SRPK1: variants seen among roughly 807,000 people sequenced by gnomAD.
The protein encoded by SRPK1 is SRSF protein kinase 1.
SRPK1 carries 52 observed loss-of-function variants against 89.5 expected under a neutral mutation model. The ratio of observed to expected loss-of-function variants is 0.58; its 90% CI spans 0.46 to 0.73. SRPK1 has a LOEUF of 0.73. Among genes scored for constraint, SRPK1 ranks in the 30% least tolerant of loss-of-function variants. The pLI is 0.00. For synonymous variants in SRPK1, 255 were observed against 270.2 expected (o/e 0.94, Z 0.55); for missense variants, 603 against 780.6 (o/e 0.77, Z 2.71).
rs374942695 is a variant in SRPK1 at position 35,890,907 on chromosome 6, C to T, written c.181G>A (p.Asp61Asn). Residue 61 changes from aspartate (D) to asparagine (N), a missense_variant, in exon 3 of 16, where the codon GAT becomes AAT. Asp to Asn is a conservative substitution (Grantham distance 23, BLOSUM62 1). Transcript: ENST00000373825. ...SDDDEQEDPNDYCKGGYHLVK... is the reference protein window; with the variant it reads ...SDDDEQEDPNNYCKGGYHLVK... The stretch of plus-strand genomic sequence containing the variant: ...TTTATGAACTTACCTTTACAATAAT[C>T]ATTAGGATCTTCTTGCTCATCATCA... The T allele has an allele frequency of 1.8e-5, 28 of 1,551,080 alleles. No individual in the cohort carries two copies. The highest frequency in any genetic ancestry group is 2.4e-5 in the Non-Finnish European group (27 of 1,146,848).
chr6:35,870,642 A>G (rs932699923), intron 9 of SRPK1, 148 bp from the exon 10 acceptor site: 78 of 805,306 alleles, frequency 9.7e-5, no homozygotes, highest in Middle Eastern at 3.6e-4. Context: ...AAATTAAAAG[A>G]TGCGGGATAC....
rs1339813668 is a variant in SRPK1 at position 35,834,551 on chromosome 6, G to A, written c.*753C>T. The A allele has an allele frequency of 6.6e-6, 1 of 152,074 alleles. No homozygotes were observed. The highest frequency in any genetic ancestry group is 2.4e-5 in the African/African-American group (1 of 41,394). The allele number at this position is 152,074 out of a possible 1,614,324, so 9.4% of individuals were successfully genotyped here. On this transcript the variant is annotated 3_prime_UTR_variant, in exon 16 of 16. Coordinates refer to ENST00000373825, the MANE Select transcript of SRPK1 (RefSeq NM_003137.5). ...CCAACCAAAATAACTCTGGTCTTAG[G>A]GTAATAGAAGACATACAGGAAAGGA...
In SRPK1 at chr6:35,915,928, C is replaced by T. The variant is rs576054530; in HGVS notation, c.74+4540G>A. ...CGGAGGTTGCAGAGAGCCGAGATTG[C>T]ACCACTGAACTCCAGCCTGGGCGAC... is the stretch of plus-strand genomic sequence containing the variant. On this transcript the variant is annotated intron_variant, in intron 2 of 15. Transcript: ENST00000373825. Among the ~76,000 whole-genome samples the T allele has an allele frequency of 1.2e-4, 17 of 144,920 alleles. No homozygotes were observed. In the East Asian group the frequency reaches 3.4e-3, roughly 29 times the overall value.
chr6:35,910,267 G>A (rs1581600115), intron 2 of SRPK1, among the ~76,000 whole-genome samples: 1 of 152,168 alleles, frequency 6.6e-6, no homozygotes, highest in African/African-American at 2.4e-5. Flanking sequence ...ACAGGAGTGA[G>A]CCACCACGCC....
intron 2 of SRPK1, among the ~76,000 whole-genome samples, chr6:35,913,797 CA>C: frequency 1.1e-5 from 1 of 94,392 alleles, no homozygotes; most frequent in East Asian, 2.4e-4. Flanking sequence ...GATTCCATCT[CA>C]AAAAAAGAAA....
At chr6:35,919,503 G>C (rs371224050) in intron 2 of SRPK1, among the ~76,000 whole-genome samples, 35 of 152,288 alleles carry the variant, frequency 2.3e-4, no homozygotes, top group African/African-American at 6.7e-4. Context: ...AAACTATAAA[G>C]ATAATACATC....
chr6:35,881,978 C>T (rs1237533634), intron 6 of SRPK1, among the ~76,000 whole-genome samples: 1 of 150,718 alleles, frequency 6.6e-6, no homozygotes, highest in Non-Finnish European at 1.5e-5. Flanking sequence ...GTAATGACTG[C>T]ACAATTTTAT....
At chr6:35,870,596 A>C in intron 9 of SRPK1, 102 bp from the exon 10 acceptor site, 3 of 1,113,106 alleles carry the variant, frequency 2.7e-6, no homozygotes, top group Non-Finnish European at 3.8e-6. Context: ...TAAATTTCAC[A>C]AATCTTTCCC....
intron 8 of SRPK1, 54 bp downstream of exon 8, chr6:35,872,509 T>C (rs941630451): frequency 6.8e-6 from 10 of 1,473,546 alleles, no homozygotes; most frequent in East Asian, 5.0e-5. Context: ...AGAATAAAAA[T>C]AGAAATTTCT....
chr6:35,885,259 GAA>G (rs1491533623), intron 6 of SRPK1, among the ~76,000 whole-genome samples: 10 of 89,578 alleles, frequency 1.1e-4, no homozygotes, highest in African/African-American at 4.3e-4. Flanking sequence ...TTAATTCTTT[GAA>G]CACACACACA....
At chr6:35,857,491 G>T in intron 12 of SRPK1, 123 bp from the exon 13 acceptor site, 1 of 750,972 alleles carries the variant, frequency 1.3e-6, no homozygotes, top group Non-Finnish European at 2.2e-6. Flanking sequence ...TTCTCACTTT[G>T]CTTATTTCTT....
At chr6:35,887,080 G>A (rs11753227) in intron 5 of SRPK1, among the ~76,000 whole-genome samples, 5 of 152,146 alleles carry the variant, frequency 3.3e-5, no homozygotes, top group Non-Finnish European at 7.3e-5. Flanking sequence ...ATTAACTGAT[G>A]ATTACCAGGC....
In SRPK1 at chr6:35,906,870, G is replaced by A. The variant is rs1055305237; in HGVS notation, c.74+13598C>T. ...CTCTAATGGACTAAACCACAAATACGTTCAAATTTGTGAGTTATTATCAAA... is the reference window on the plus strand; with the variant it reads ...CTCTAATGGACTAAACCACAAATACATTCAAATTTGTGAGTTATTATCAAA... On this transcript the variant is annotated intron_variant, in intron 2 of 15. Coordinates refer to ENST00000373825, the MANE Select transcript of SRPK1 (RefSeq NM_003137.5). Among the ~76,000 whole-genome samples the A allele has an allele frequency of 2.6e-5, 4 of 152,108 alleles. No homozygotes were observed. In the East Asian group the frequency reaches 7.7e-4, roughly 29 times the overall value.
In SRPK1 at chr6:35,894,565, G is replaced by A. The variant is rs187482674; in HGVS notation, c.75-3552C>T. Among the ~76,000 whole-genome samples the A allele has an allele frequency of 2.3e-3, 354 of 152,150 alleles. 3 individuals carry two copies. Among genetic ancestry groups the A allele is most frequent in the Middle Eastern group, 0.017 (5 of 294 alleles). On this transcript the variant is annotated intron_variant, in intron 2 of 15. Transcript: ENST00000373825. ...TTCAAGAAATTTCTGGAGATTGAAC[G>A]GAAGCTCTACTTAATTTTTTATTAG...
chr6:35,916,327 T>A (rs1400851766), intron 2 of SRPK1, among the ~76,000 whole-genome samples: 1 of 152,098 alleles, frequency 6.6e-6, no homozygotes, highest in Non-Finnish European at 1.5e-5. Flanking sequence ...GACATGGAAC[T>A]ATTTCTAAGA....
intron 14 of SRPK1, among the ~76,000 whole-genome samples, chr6:35,839,329 AGAT>A (rs1769252330): frequency 6.6e-6 from 1 of 152,250 alleles, no homozygotes; most frequent in South Asian, 2.1e-4. Context: ...CCCATTTTAA[AGAT>A]GAGAAAATAG....
chr6:35,906,431 G>A (rs1272845284), intron 2 of SRPK1, among the ~76,000 whole-genome samples: 1 of 152,176 alleles, frequency 6.6e-6, no homozygotes, highest in Non-Finnish European at 1.5e-5. Flanking sequence ...GGCCATGTTG[G>A]CCAGGCTGGT....
At chr6:35,865,938 A>G (rs1005705102) in intron 12 of SRPK1, among the ~76,000 whole-genome samples, 5 of 152,276 alleles carry the variant, frequency 3.3e-5, no homozygotes, top group African/African-American at 4.8e-5. Flanking sequence ...AACCTACAAA[A>G]TGGGAGAAAA....
chr6:35,882,810 A>G (rs1401711880), intron 6 of SRPK1, among the ~76,000 whole-genome samples: 1 of 151,954 alleles, frequency 6.6e-6, no homozygotes. Context: ...CTGCTGAGAA[A>G]AAAAATTTCC....
Sources: allele counts gnomAD v4.1 joint callset (sites outside exome capture counted in the v4.1 genomes callset), GRCh38; gene constraint gnomAD v4.1.1; transcripts MANE v1.5; gene names NCBI Gene and HGNC (gene_info 2026-07-23, HGNC 2026-07-21).